Variants in BMPR1B observed in about 807,000 individuals in gnomAD.
BMPR1B encodes bone morphogenetic protein receptor type-1B.
A neutral mutation model predicts 59.1 loss-of-function variants in BMPR1B; 12 were observed. The ratio of observed to expected loss-of-function variants is 0.20; its 90% CI spans 0.13 to 0.33. The LOEUF (loss-of-function observed/expected upper bound fraction) is 0.33. Among genes scored for constraint, BMPR1B ranks in the 10% least tolerant of loss-of-function variants. The pLI, the probability that BMPR1B is intolerant of heterozygous loss-of-function variation, is 1.00. For synonymous variants in BMPR1B, 237 were observed against 207.3 expected, an observed-to-expected ratio of 1.14 and a Z score of -1.23; for missense variants, 550 against 610.9, an observed-to-expected ratio of 0.90 and a Z score of 1.05.
At chr4:95,058,145 A>G (rs1727070522) in intron 3 of BMPR1B, among the ~76,000 whole-genome samples, 1 of 152,214 alleles carries the variant, frequency 6.6e-6, no homozygotes, top group African/African-American at 2.4e-5. Flanking sequence ...TATATGTCTC[A>G]TAAAGAACAT....
At chr4:94,909,092 C>A (rs1728177823) in intron 2 of BMPR1B, among the ~76,000 whole-genome samples, 1 of 152,038 alleles carries the variant, frequency 6.6e-6, no homozygotes, top group South Asian at 2.1e-4. Flanking sequence ...TCACTCCAGT[C>A]TCTGCTTTCA....
At position 94,970,275 on chromosome 4, in the gene BMPR1B, TC is replaced by T. The variant is rs755613825; in HGVS notation, c.-112-25764del. Among the ~76,000 whole-genome samples, 218 of 115,544 alleles carry T rather than the reference TC, an allele frequency of 1.9e-3. 1 individual carries two copies. In the South Asian group the frequency reaches 0.029, roughly 15 times the overall value. 75.8% of individuals were successfully genotyped at this position (115,544 alleles called of 152,430 possible). A position where few individuals can be genotyped will look rare whatever the true frequency, so the allele number is the denominator to read the frequency against. On this transcript the variant is annotated intron_variant, in intron 2 of 12. Transcript: ENST00000515059. The stretch of plus-strand genomic sequence containing the variant: ...TCTTCTCTTCTCTTCTCTTCTCTTC[TC>T]TTCTCTTCTCTTCTCTTCTCTTCTC...
At chr4:95,103,379 T>G (rs978623096) in intron 3 of BMPR1B, 1 of 895,482 alleles carries the variant, frequency 1.1e-6, no homozygotes. Context: ...TTTAATATTT[T>G]TGTTGATCTT....
intron 3 of BMPR1B, among the ~76,000 whole-genome samples, chr4:95,046,663 T>G (rs777050420): frequency 2.0e-5 from 3 of 152,164 alleles, no homozygotes; most frequent in Non-Finnish European, 4.4e-5. Flanking sequence ...CTACACATAT[T>G]AGTAGTACTC....
intron 1 of BMPR1B, among the ~76,000 whole-genome samples, chr4:94,832,669 G>A (rs905618232): frequency 6.6e-6 from 1 of 152,112 alleles, no homozygotes; most frequent in East Asian, 1.9e-4. Flanking sequence ...TGTAATCCCA[G>A]CTACTCAGGA....
chr4:94,904,236 A>C (rs146069045), intron 2 of BMPR1B, among the ~76,000 whole-genome samples: 11 of 152,166 alleles, frequency 7.2e-5, no homozygotes, highest in African/African-American at 2.6e-4. Flanking sequence ...GTTCCGTTGC[A>C]TAAGAACATT....
chr4:95,040,955 C>T (rs373313573), intron 3 of BMPR1B, among the ~76,000 whole-genome samples: 2 of 152,204 alleles, frequency 1.3e-5, no homozygotes, highest in African/African-American at 4.8e-5. Context: ...TCCTAAAGTA[C>T]AGGCCTATGC....
At chr4:94,800,033 TGTA>T (rs1723347594) in intron 1 of BMPR1B, among the ~76,000 whole-genome samples, 1 of 152,276 alleles carries the variant, frequency 6.6e-6, no homozygotes, top group Non-Finnish European at 1.5e-5. Context: ...ATCAGAATAG[TGTA>T]GTATTTTTGA....
At chr4:95,116,948 C>T (rs1417905503) in intron 6 of BMPR1B, among the ~76,000 whole-genome samples, 1 of 151,958 alleles carries the variant, frequency 6.6e-6, no homozygotes, top group African/African-American at 2.4e-5. Flanking sequence ...AATTATTCCT[C>T]CCAAGAAGTA....
rs184349909 is a variant in BMPR1B, at chr4:95,055,391, G to A, written c.-17-49017G>A. Among the ~76,000 whole-genome samples the A allele has an allele frequency of 1.3e-3, 193 of 152,090 alleles. 1 individual carries two copies. The highest frequency in any genetic ancestry group is 3.4e-3 in the Middle Eastern group (1 of 292). On this transcript the variant is annotated intron_variant, in intron 3 of 12. Coordinates refer to ENST00000515059, the MANE Select transcript of BMPR1B (RefSeq NM_001203.3). ...AATTAGAATGATAATATTGCTATGC[G>A]GCATCAGTTTTTGGTAATATTTTAA... is the stretch of plus-strand genomic sequence containing the variant.
intron 2 of BMPR1B, among the ~76,000 whole-genome samples, chr4:94,956,374 C>T (rs1039829840): frequency 6.6e-6 from 1 of 151,966 alleles, no homozygotes; most frequent in Admixed American, 6.6e-5. Context: ...TTATGATAAC[C>T]CCCTCCCCAT....
intron 3 of BMPR1B, among the ~76,000 whole-genome samples, chr4:95,022,572 T>G (rs1439744335): frequency 6.6e-6 from 1 of 152,150 alleles, no homozygotes; most frequent in Non-Finnish European, 1.5e-5. Flanking sequence ...TTGCTATTTA[T>G]ATTTATATAT....
intron 3 of BMPR1B, among the ~76,000 whole-genome samples, chr4:95,070,081 A>G (rs1399011039): frequency 2.0e-5 from 3 of 152,226 alleles, no homozygotes; most frequent in Admixed American, 1.3e-4. Flanking sequence ...CCTGGGCAAC[A>G]AGAGAGAAAC....
chr4:95,081,739 A>T (rs1296054632), intron 3 of BMPR1B, among the ~76,000 whole-genome samples: 1 of 152,188 alleles, frequency 6.6e-6, no homozygotes, highest in Non-Finnish European at 1.5e-5. Context: ...TATATTAAAG[A>T]ATAACCACTC....
At chr4:95,146,588 C>T (rs1455619383) in intron 10 of BMPR1B, among the ~76,000 whole-genome samples, 4 of 152,156 alleles carry the variant, frequency 2.6e-5, no homozygotes, top group Non-Finnish European at 5.9e-5. Context: ...TGTGGATTGT[C>T]TTAAGATTCT....
intron 3 of BMPR1B, among the ~76,000 whole-genome samples, chr4:95,083,853 G>A (rs1729362076): frequency 6.6e-6 from 1 of 152,026 alleles, no homozygotes; most frequent in Non-Finnish European, 1.5e-5. Flanking sequence ...TGAGTTAATG[G>A]TGCAGTATTA....
chr4:94,978,579 C>T (rs2149084766), intron 2 of BMPR1B, among the ~76,000 whole-genome samples: 1 of 151,500 alleles, frequency 6.6e-6, no homozygotes, highest in South Asian at 2.1e-4. Flanking sequence ...TTATGACCTG[C>T]CTTTCACACA....
chr4:94,956,303 C>T (rs1730138543), intron 2 of BMPR1B, among the ~76,000 whole-genome samples: 1 of 152,012 alleles, frequency 6.6e-6, no homozygotes. Context: ...TTCCTGGCTT[C>T]AAGTGATCCT....
intron 1 of BMPR1B, among the ~76,000 whole-genome samples, chr4:94,819,562 T>C (rs1724130458): frequency 6.6e-6 from 1 of 152,206 alleles, no homozygotes; most frequent in African/African-American, 2.4e-5. Context: ...AGCCCTCTAG[T>C]CACACCACTT....
Sources: gnomAD v4.1 joint callset for allele counts (sites outside exome capture counted in the v4.1 genomes callset) on GRCh38, gnomAD v4.1.1 for gene constraint, MANE v1.5 for transcripts, NCBI Gene and HGNC (gene_info 2026-07-23, HGNC 2026-07-21) for gene names.